GYPE: variants seen among roughly 807,000 people sequenced by gnomAD.
The protein encoded by GYPE is glycophorin E (MNS blood group).
A neutral mutation model predicts 11.6 loss-of-function variants in GYPE; 8 were observed. That is an observed-to-expected ratio of 0.69 (90% CI 0.41 to 1.25). The LOEUF (loss-of-function observed/expected upper bound fraction) is 1.25, where lower values mean the gene tolerates loss of function less well. GYPE is among the 50% of genes most tolerant of loss of function. The pLI, the probability that GYPE is intolerant of heterozygous loss-of-function variation, is 0.01. For synonymous variants in GYPE, 28 were observed against 29.6 expected (o/e 0.94, Z 0.18); for missense variants, 90 against 92.8 (o/e 0.97, Z 0.12).
In GYPE at chr4:143,880,486, T is replaced by C. The variant is rs776007232; in HGVS notation, c.61A>G (p.Ser21Gly). The change falls in exon 2 of 4, where the codon AGT (serine) becomes GGT (glycine). Residue 21 changes from serine (S) to glycine (G), a missense_variant. By Grantham distance (56) the Ser-to-Gly change is moderately conservative. Transcript: ENST00000358615. ...LSGIVSISAS[S>G]TTGVAMHTST... Reference sequence around the variant, plus strand: ...GTGTGCATTGCCACACCAGTGGTACTTGATGCTGATATGCTCACAATTCCT... The same window carrying C: ...GTGTGCATTGCCACACCAGTGGTACCTGATGCTGATATGCTCACAATTCCT... 6.2e-7 allele frequency: 1 copy of C among 1,614,014 alleles called. No homozygotes were observed. Among genetic ancestry groups the C allele is most frequent in the South Asian group, 1.1e-5 (1 of 91,080 alleles).
intron 1 of GYPE, among the ~76,000 whole-genome samples, chr4:143,894,280 T>C (rs1175399508): frequency 3.9e-5 from 6 of 152,084 alleles, no homozygotes; most frequent in East Asian, 1.9e-4. Context: ...TTGGAGTAGT[T>C]TGATCGTCTG....
intron 1 of GYPE, among the ~76,000 whole-genome samples, chr4:143,899,701 A>C (rs2149916297): frequency 6.9e-6 from 1 of 145,740 alleles, no homozygotes; most frequent in Middle Eastern, 3.5e-3. Context: ...AAGGGTGTCA[A>C]GACCATTCAA....
intron 3 of GYPE, among the ~76,000 whole-genome samples, chr4:143,874,941 A>G (rs1303928931): frequency 2.6e-5 from 4 of 152,174 alleles, no homozygotes; most frequent in African/African-American, 7.2e-5. Flanking sequence ...ATTAAGATCA[A>G]TGGATGCTAA....
At chr4:143,873,322 A>C (rs1396616444) in intron 3 of GYPE, 2 of 408,932 alleles carry the variant, frequency 4.9e-6, no homozygotes, top group Non-Finnish European at 9.7e-6. Context: ...ATTTAAAGGT[A>C]ATAGCGTTCA....
intron 2 of GYPE, 85 bp downstream of exon 2, chr4:143,880,326 T>G (rs1743973612): frequency 6.2e-7 from 1 of 1,604,614 alleles, no homozygotes; most frequent in Non-Finnish European, 8.5e-7. Context: ...TGTCAGTTTC[T>G]CTGCAGTGAC....
At chr4:143,880,534 G>A in intron 1 of GYPE, 25 bp from the exon 2 acceptor site, 1 of 1,613,692 alleles carries the variant, frequency 6.2e-7, no homozygotes, top group Non-Finnish European at 8.5e-7. Flanking sequence ...AGTTGAGAAA[G>A]GGATTAAGAA....
chr4:143,880,610 C>T (rs1743988678), intron 1 of GYPE, 101 bp from the exon 2 acceptor site: 1 of 1,564,132 alleles, frequency 6.4e-7, no homozygotes, highest in African/African-American at 1.4e-5. Flanking sequence ...CCTCCAGTCC[C>T]TGAGCTAAGC....
rs1743755572 is a variant in GYPE at position 143,875,383 on chromosome 4, T to C, written c.*9+1363A>G. 8.2e-6 allele frequency: 11 copies of C among 1,347,246 alleles called. No individual in the cohort carries two copies. In the South Asian group the frequency reaches 1.4e-4, roughly 17 times the overall value. 83.5% of individuals were successfully genotyped at this position (1,347,246 alleles called of 1,614,324 possible). Reference sequence around the variant, plus strand: ...AGTAATAGGCAGGAGAACAGGGAGTTAGGATAGCCAAGGGTTGGGGCATAA... The same window carrying C: ...AGTAATAGGCAGGAGAACAGGGAGTCAGGATAGCCAAGGGTTGGGGCATAA... On this transcript the variant is annotated intron_variant, in intron 3 of 3. Transcript: ENST00000358615.
intron 1 of GYPE, among the ~76,000 whole-genome samples, chr4:143,883,281 ATGAT>A (rs1366195461): frequency 1.3e-5 from 2 of 151,860 alleles, no homozygotes; most frequent in African/African-American, 2.4e-5. Flanking sequence ...GTCTTTTGCC[ATGAT>A]TGTTTCCTGA....
intron 1 of GYPE, among the ~76,000 whole-genome samples, chr4:143,891,458 A>G (rs1252582795): frequency 5.3e-5 from 8 of 150,246 alleles, no homozygotes; most frequent in African/African-American, 1.7e-4. Flanking sequence ...CCTCCCAAGT[A>G]GCTGGGACTA....
chr4:143,893,795 T>C (rs1299768847), intron 1 of GYPE, among the ~76,000 whole-genome samples: 1 of 152,018 alleles, frequency 6.6e-6, no homozygotes, highest in African/African-American at 2.4e-5. Flanking sequence ...TGTCTTGGAG[T>C]TGCTTTTCTC....
At chr4:143,876,293 T>G (rs1033809985) in intron 3 of GYPE, among the ~76,000 whole-genome samples, 2 of 152,078 alleles carry the variant, frequency 1.3e-5, no homozygotes, top group South Asian at 4.2e-4. Flanking sequence ...TTCATATTTT[T>G]TGTATAGACT....
chr4:143,880,022 G>C (rs1310633133), intron 2 of GYPE, among the ~76,000 whole-genome samples: 1 of 152,172 alleles, frequency 6.6e-6, no homozygotes, highest in East Asian at 1.9e-4. Flanking sequence ...TAATGGGATA[G>C]AAACCCTGCA....
chr4:143,874,663 T>C (rs1578950686), intron 3 of GYPE, among the ~76,000 whole-genome samples: 1 of 152,120 alleles, frequency 6.6e-6, no homozygotes, highest in Non-Finnish European at 1.5e-5. Flanking sequence ...TCAGAATGTA[T>C]CTGGTGTGTA....
chr4:143,893,830 T>C (rs987821902), intron 1 of GYPE, among the ~76,000 whole-genome samples: 43 of 152,236 alleles, frequency 2.8e-4, no homozygotes, highest in African/African-American at 1.0e-3. Context: ...TGGCGTTCTC[T>C]GTATTTCCTG....
intron 1 of GYPE, among the ~76,000 whole-genome samples, chr4:143,895,310 T>G (rs574522097): frequency 6.6e-6 from 1 of 152,162 alleles, no homozygotes; most frequent in African/African-American, 2.4e-5. Context: ...CAGCAAAGTC[T>G]CAGGATAGAA....
chr4:143,898,514 ATTC>A (rs1272578170), intron 1 of GYPE, among the ~76,000 whole-genome samples: 2 of 152,232 alleles, frequency 1.3e-5, no homozygotes, highest in Non-Finnish European at 2.9e-5. Flanking sequence ...TTTCACAATG[ATTC>A]TTAAGTAATT....
chr4:143,905,538 G>C lies in GYPE; in HGVS notation c.-31C>G. ...GATCACGAGCTGGCTCCTGAAGTTA[G>C]TGCAAAAAAACTACCAAAGACAACT... On this transcript the variant is annotated 5_prime_UTR_variant, in exon 1 of 4. Transcript: ENST00000358615. The C allele has an allele frequency of 1.2e-6, 2 of 1,612,938 alleles. No individual in the cohort carries two copies.
intron 1 of GYPE, among the ~76,000 whole-genome samples, chr4:143,902,803 T>A (rs1744919779): frequency 6.6e-6 from 1 of 152,138 alleles, no homozygotes; most frequent in Non-Finnish European, 1.5e-5. Context: ...ATTAGTATAT[T>A]ATGACCTAGA....
Sources: allele counts gnomAD v4.1 joint callset (sites outside exome capture counted in the v4.1 genomes callset), GRCh38; gene constraint gnomAD v4.1.1; transcripts MANE v1.5; gene names NCBI Gene and HGNC (gene_info 2026-07-23, HGNC 2026-07-21).